The following ANKS1B variants were observed in gnomAD, a reference collection of about 807,000 sequenced individuals.
ANKS1B encodes the protein ankyrin repeat and sterile alpha motif domain-containing protein 1B.
A neutral mutation model predicts 148.3 loss-of-function variants in ANKS1B; 36 were observed. The ratio of observed to expected loss-of-function variants is 0.24; its 90% CI spans 0.19 to 0.32. ANKS1B has a LOEUF of 0.32. Among genes scored for constraint, ANKS1B ranks in the 10% least tolerant of loss-of-function variants. The probability of loss-of-function intolerance (pLI) is 1.00; values close to 1 mark genes in which losing one functional copy is unlikely to be tolerated. For synonymous variants in ANKS1B, 542 were observed against 560.8 expected (o/e 0.97, Z 0.47); for missense variants, 1,157 against 1,542.6 (o/e 0.75, Z 4.19).
intron 12 of ANKS1B, among the ~76,000 whole-genome samples, chr12:99,337,583 G>A (rs2089163839): frequency 6.6e-6 from 1 of 152,096 alleles, no homozygotes; most frequent in African/African-American, 2.4e-5. Flanking sequence ...AGGAATTTAA[G>A]TTAGGTATTT....
intron 17 of ANKS1B, chr12:98,895,165 CG>C: frequency 1.0e-6 from 1 of 985,084 alleles, no homozygotes; most frequent in Non-Finnish European, 1.2e-6. Context: ...GAGAGCGATG[CG>C]GGCCCAGGCG....
At chr12:99,336,245 T>C (rs1165126161) in intron 12 of ANKS1B, among the ~76,000 whole-genome samples, 1 of 152,184 alleles carries the variant, frequency 6.6e-6, no homozygotes, top group African/African-American at 2.4e-5. Context: ...TAGAGTTGTT[T>C]GAGTTCCTTA....
chr12:98,926,961 A>T (rs2099809111), intron 17 of ANKS1B, among the ~76,000 whole-genome samples: 1 of 152,148 alleles, frequency 6.6e-6, no homozygotes, highest in African/African-American at 2.4e-5. Flanking sequence ...TTGAAGAAAT[A>T]ACAGCTGGGA....
At chr12:99,861,298 A>G (rs118127549) in intron 1 of ANKS1B, among the ~76,000 whole-genome samples, 129 of 152,372 alleles carry the variant, frequency 8.5e-4, no homozygotes, top group Non-Finnish European at 1.6e-3. Flanking sequence ...TATTCTTTTC[A>G]TATAATCACA....
intron 26 of ANKS1B, among the ~76,000 whole-genome samples, chr12:98,748,376 C>T (rs1251430351): frequency 6.6e-6 from 1 of 152,230 alleles, no homozygotes; most frequent in East Asian, 1.9e-4. Flanking sequence ...ACAAATACAA[C>T]GGGACACTCC....
intron 3 of ANKS1B, 106 bp downstream of exon 3, chr12:99,812,049 G>C: frequency 1.5e-6 from 2 of 1,342,690 alleles, no homozygotes. Context: ...TTCAGCAATG[G>C]AAAGGCCTTT....
At chr12:99,731,667 A>C (rs1264217129) in intron 8 of ANKS1B, among the ~76,000 whole-genome samples, 1 of 152,174 alleles carries the variant, frequency 6.6e-6, no homozygotes, top group Non-Finnish European at 1.5e-5. Flanking sequence ...ATAATTTGGA[A>C]TGAATTACAG....
intron 4 of ANKS1B, among the ~76,000 whole-genome samples, chr12:99,801,811 AAGT>A (rs2066988450): frequency 6.6e-6 from 1 of 152,202 alleles, no homozygotes; most frequent in Non-Finnish European, 1.5e-5. Context: ...TCCAATGAAC[AAGT>A]AGAGAGGAAT....
intron 17 of ANKS1B, among the ~76,000 whole-genome samples, chr12:98,871,114 T>G (rs1311632478): frequency 1.3e-5 from 2 of 152,248 alleles, no homozygotes; most frequent in African/African-American, 2.4e-5. Flanking sequence ...TTTAATGGTC[T>G]ACATTTTAAC....
chr12:99,268,243 C>T (rs1001557079), intron 12 of ANKS1B, among the ~76,000 whole-genome samples: 13 of 152,134 alleles, frequency 8.5e-5, no homozygotes, highest in African/African-American at 3.1e-4. Context: ...CTATAGACAG[C>T]GATCTCAGTA....
intron 1 of ANKS1B, among the ~76,000 whole-genome samples, chr12:99,837,452 G>C (rs2085036054): frequency 6.6e-6 from 1 of 152,182 alleles, no homozygotes; most frequent in African/African-American, 2.4e-5. Flanking sequence ...CAAATACTTG[G>C]GAATTTAAGG....
chr12:99,264,288 T>C (rs2076218864), intron 12 of ANKS1B, among the ~76,000 whole-genome samples: 1 of 152,126 alleles, frequency 6.6e-6, no homozygotes, highest in Non-Finnish European at 1.5e-5. Flanking sequence ...ATTCCTATCA[T>C]ATGCATATTG....
At chr12:99,899,982 T>C (rs1194326073) in intron 1 of ANKS1B, among the ~76,000 whole-genome samples, 1 of 151,488 alleles carries the variant, frequency 6.6e-6, no homozygotes, top group African/African-American at 2.4e-5. Flanking sequence ...CACTGCAACC[T>C]CCGCTTCCCG....
chr12:98,894,620 C>T, intron 17 of ANKS1B: 4 of 985,020 alleles, frequency 4.1e-6, no homozygotes, highest in Non-Finnish European at 4.8e-6. Context: ...GCCGCTGTGC[C>T]GCTACTCACC....
At chr12:98,986,193 T>A (rs1191429456) in intron 17 of ANKS1B, among the ~76,000 whole-genome samples, 1 of 152,112 alleles carries the variant, frequency 6.6e-6, no homozygotes, top group African/African-American at 2.4e-5. Context: ...CTATGATATG[T>A]CAAACAGTGT....
At chr12:99,063,084 T>C (rs1358416285) in intron 16 of ANKS1B, among the ~76,000 whole-genome samples, 2 of 152,084 alleles carry the variant, frequency 1.3e-5, no homozygotes, top group Non-Finnish European at 2.9e-5. Context: ...CAGCAACCTA[T>C]CATTTACATA....
At chr12:99,092,781 T>G (rs1004001320) in intron 15 of ANKS1B, among the ~76,000 whole-genome samples, 1 of 152,194 alleles carries the variant, frequency 6.6e-6, no homozygotes, top group Non-Finnish European at 1.5e-5. Flanking sequence ...CCACATATAA[T>G]GACGCAGAAA....
chr12:99,745,969 T>A (rs377239572), intron 8 of ANKS1B, among the ~76,000 whole-genome samples: 4 of 152,116 alleles, frequency 2.6e-5, no homozygotes, highest in East Asian at 1.9e-4. Context: ...TTAATAGGAG[T>A]TCATGAGCCA....
intron 12 of ANKS1B, among the ~76,000 whole-genome samples, chr12:99,367,855 G>C (rs1487581959): frequency 6.6e-6 from 1 of 151,742 alleles, no homozygotes; most frequent in East Asian, 1.9e-4. Flanking sequence ...ATGAATGGGA[G>C]GAATAAAGTA....
Sources: allele counts gnomAD v4.1 joint callset (sites outside exome capture counted in the v4.1 genomes callset), GRCh38; gene constraint gnomAD v4.1.1; transcripts MANE v1.5; gene names NCBI Gene and HGNC (gene_info 2026-07-23, HGNC 2026-07-21).